Variants in CEP70 observed in about 807,000 individuals in gnomAD.
CEP70 encodes the protein centrosomal protein 70.
CEP70 carries 70 observed loss-of-function variants against 90.9 expected under a neutral mutation model. That is an observed-to-expected ratio of 0.77 (90% CI 0.64 to 0.94). The LOEUF (loss-of-function observed/expected upper bound fraction) is 0.94, where lower values mean the gene tolerates loss of function less well. Ranked by LOEUF, CEP70 falls within the 40% of genes least tolerant of loss-of-function variation. CEP70 has a pLI of 0.00. For missense variants in CEP70, 648 were observed against 669.0 expected, an observed-to-expected ratio of 0.97 and a Z score of 0.35; for synonymous variants, 220 against 228.3, an observed-to-expected ratio of 0.96 and a Z score of 0.33.
intron 2 of CEP70, among the ~76,000 whole-genome samples, chr3:138,590,534 C>T (rs889826278): frequency 2.0e-5 from 3 of 151,662 alleles, no homozygotes; most frequent in South Asian, 2.1e-4. Flanking sequence ...TTCATATCTG[C>T]GATAGGAATT....
chr3:138,586,462 G>C (rs535286416), intron 2 of CEP70, among the ~76,000 whole-genome samples: 2 of 152,080 alleles, frequency 1.3e-5, no homozygotes, highest in East Asian at 3.8e-4. Context: ...AAGAAAATCT[G>C]GTACATATAC....
At chr3:138,542,723 C>A (rs1283470138) in intron 6 of CEP70, among the ~76,000 whole-genome samples, 1 of 152,194 alleles carries the variant, frequency 6.6e-6, no homozygotes, top group East Asian at 1.9e-4. Context: ...CACAGCCCGG[C>A]GAGTCGGCCA....
At chr3:138,587,928 A>G (rs2108275490) in intron 2 of CEP70, among the ~76,000 whole-genome samples, 1 of 152,328 alleles carries the variant, frequency 6.6e-6, no homozygotes, top group African/African-American at 2.4e-5. Flanking sequence ...GATTCCAGAA[A>G]CAGACTCATA....
chr3:138,554,467 G>A (rs549956012), intron 6 of CEP70, among the ~76,000 whole-genome samples: 1 of 152,236 alleles, frequency 6.6e-6, no homozygotes, highest in South Asian at 2.1e-4. Context: ...GTTCTAGTCA[G>A]AGCAATCAGA....
chr3:138,527,931 C>T (rs2037439915), intron 10 of CEP70, among the ~76,000 whole-genome samples: 2 of 144,008 alleles, frequency 1.4e-5, no homozygotes, highest in Non-Finnish European at 1.5e-5. Flanking sequence ...ATACACATAT[C>T]AAAATTCAAT....
At chr3:138,549,845 G>A (rs1165152264) in intron 6 of CEP70, among the ~76,000 whole-genome samples, 3 of 152,098 alleles carry the variant, frequency 2.0e-5, no homozygotes, top group Non-Finnish European at 4.4e-5. Context: ...AGCAGGTGCT[G>A]GTATCCACTG....
intron 7 of CEP70, among the ~76,000 whole-genome samples, chr3:138,534,879 T>C (rs1289175037): frequency 2.6e-5 from 4 of 152,226 alleles, no homozygotes; most frequent in Admixed American, 6.5e-5. Context: ...TCAACATCTA[T>C]AGCCAATTCG....
chr3:138,570,349 T>C lies in CEP70; in HGVS notation c.434A>G (p.Lys145Arg), dbSNP rs1434519185. The change falls in exon 6 of 18, where the codon AAA (lysine) becomes AGA (arginine). Residue 145 changes from lysine to arginine, a missense_variant. By Grantham distance (26) the Lys-to-Arg change is conservative (BLOSUM62 2). Coordinates refer to ENST00000264982, the MANE Select transcript of CEP70 (RefSeq NM_024491.4). ...AGTTTTCTGCTCCTTTTGAAGATCT[T>C]TTATTTTATTCTGTTGGTGGCAAGC... ...SRACHQQNKI[K>R]DLQKEQKTLQ... 4 of 1,587,006 alleles carry C rather than the reference T, an allele frequency of 2.5e-6. No homozygotes were observed. Among genetic ancestry groups the C allele is most frequent in the Admixed American group, 1.9e-5 (1 of 51,830 alleles).
chr3:138,495,604 C>A (rs888709993), intron 17 of CEP70, among the ~76,000 whole-genome samples: 2 of 152,130 alleles, frequency 1.3e-5, no homozygotes, highest in Non-Finnish European at 2.9e-5. Context: ...ATAATCCCAG[C>A]ACTTTGGGAG....
At chr3:138,536,184 T>C (rs1192292660) in intron 7 of CEP70, among the ~76,000 whole-genome samples, 2 of 152,096 alleles carry the variant, frequency 1.3e-5, no homozygotes, top group African/African-American at 4.8e-5. Context: ...TGCTAGTACA[T>C]AAGAGAGAAT....
At position 138,553,353 on chromosome 3, in the gene CEP70, G is replaced by A. The variant is rs541214301; in HGVS notation, c.466-16006C>T. ...AAATTAGCTGGGCGTGGCAGCGGGT[G>A]CCTATAGTCCCAGCTACTTGGGAGG... On this transcript the variant is annotated intron_variant, in intron 6 of 17. Transcript: ENST00000264982. Among the ~76,000 whole-genome samples the A allele has an allele frequency of 8.9e-4, 136 of 152,126 alleles. 1 individual carries two copies. The highest frequency in any genetic ancestry group is 3.1e-3 in the African/African-American group (130 of 41,518).
At chr3:138,544,433 T>C (rs1277712376) in intron 6 of CEP70, among the ~76,000 whole-genome samples, 1 of 151,178 alleles carries the variant, frequency 6.6e-6, no homozygotes, top group African/African-American at 2.4e-5. Context: ...TGAAAACTAG[T>C]ACAACTACTA....
intron 2 of CEP70, among the ~76,000 whole-genome samples, chr3:138,584,538 C>A (rs2042020121): frequency 6.7e-6 from 1 of 149,604 alleles, no homozygotes. Flanking sequence ...ATGCAAAAAT[C>A]TTCAACAAAA....
At chr3:138,593,191 C>T (rs1047571916) in intron 1 of CEP70, 2 of 152,138 alleles carry the variant, frequency 1.3e-5, no homozygotes, top group Non-Finnish European at 2.9e-5. Flanking sequence ...GGCTTGAAAC[C>T]AATATGGGTA....
At chr3:138,533,581 G>A (rs565471176) in intron 7 of CEP70, among the ~76,000 whole-genome samples, 5 of 152,106 alleles carry the variant, frequency 3.3e-5, no homozygotes, top group Admixed American at 6.5e-5. Context: ...AAAATTCATC[G>A]GTGAACAACA....
At position 138,500,573 on chromosome 3, in the gene CEP70, CA is replaced by C; in HGVS notation, c.1369-7del. ...AAGTGTGGCATATTGCTGTCCTGTC[CA>C]AAAAAGAGGTAAAAAAGAAAGAGTT... On this transcript the variant is annotated splice_region_variant and splice_polypyrimidine_tract_variant and intron_variant, in intron 14 of 17. Coordinates refer to ENST00000264982, the MANE Select transcript of CEP70 (RefSeq NM_024491.4). 1.3e-6 allele frequency: 2 copies of C among 1,570,660 alleles called. No homozygotes were observed. Among genetic ancestry groups the C allele is most frequent in the Admixed American group, 4.3e-5 (2 of 46,880 alleles).
chr3:138,565,264 T>C (rs952025915), intron 6 of CEP70, among the ~76,000 whole-genome samples: 3 of 152,166 alleles, frequency 2.0e-5, no homozygotes, highest in Non-Finnish European at 2.9e-5. Context: ...AAAATGGCCA[T>C]ATTGCCCAAA....
intron 10 of CEP70, among the ~76,000 whole-genome samples, chr3:138,528,488 C>A (rs1490901363): frequency 6.6e-6 from 1 of 152,180 alleles, no homozygotes; most frequent in Non-Finnish European, 1.5e-5. Context: ...ATTATGTACT[C>A]ATGATTAGCT....
intron 6 of CEP70, among the ~76,000 whole-genome samples, chr3:138,565,625 T>C (rs2040728966): frequency 2.0e-5 from 3 of 152,174 alleles, no homozygotes; most frequent in African/African-American, 4.8e-5. Flanking sequence ...CTGGGAAAAC[T>C]GGCTAGCCAT....
Sources: gnomAD v4.1 joint callset for allele counts (sites outside exome capture counted in the v4.1 genomes callset) on GRCh38, gnomAD v4.1.1 for gene constraint, MANE v1.5 for transcripts, NCBI Gene and HGNC (gene_info 2026-07-23, HGNC 2026-07-21) for gene names.